The following TAFA4 variants were observed in gnomAD, a reference collection of about 807,000 sequenced individuals.
TAFA4 encodes the protein TAFA chemokine like family member 4.
Under a neutral mutation model 21.1 loss-of-function variants are expected in TAFA4, and 20 were observed. The observed-to-expected ratio is 0.95, with a 90% CI of 0.67 to 1.38. The LOEUF is 1.38. Ranked by LOEUF, TAFA4 falls within the 40% of genes most tolerant of loss-of-function variation. TAFA4 has a pLI of 0.00. For missense variants in TAFA4, 211 were observed against 180.9 expected, an observed-to-expected ratio of 1.17 and a Z score of -0.95; for synonymous variants, 71 against 67.4, an observed-to-expected ratio of 1.05 and a Z score of -0.26.
intron 3 of TAFA4, among the ~76,000 whole-genome samples, chr3:68,824,542 T>C (rs1004626002): frequency 2.6e-5 from 4 of 152,190 alleles, no homozygotes; most frequent in African/African-American, 9.7e-5. Flanking sequence ...TCTAGGATCA[T>C]TTCCCCATCT....
chr3:68,744,329 G>A (rs1049930697), intron 4 of TAFA4, among the ~76,000 whole-genome samples: 1 of 152,194 alleles, frequency 6.6e-6, no homozygotes, highest in African/African-American at 2.4e-5. Context: ...AGGGTGTCTG[G>A]GAAGGAACCA....
At chr3:68,799,812 C>G (rs914334007) in intron 3 of TAFA4, among the ~76,000 whole-genome samples, 5 of 152,128 alleles carry the variant, frequency 3.3e-5, no homozygotes, top group African/African-American at 1.2e-4. Flanking sequence ...AGGAACCAGG[C>G]TGCACAGCAG....
intron 3 of TAFA4, among the ~76,000 whole-genome samples, chr3:68,879,633 T>A (rs367862084): frequency 6.6e-6 from 1 of 152,216 alleles, no homozygotes; most frequent in Non-Finnish European, 1.5e-5. Context: ...GAAACTTCAA[T>A]CATTATTTTT....
intron 4 of TAFA4, among the ~76,000 whole-genome samples, chr3:68,741,364 T>A (rs557481327): frequency 1.3e-5 from 2 of 152,234 alleles, no homozygotes; most frequent in Non-Finnish European, 2.9e-5. Flanking sequence ...AAGTGTTTTA[T>A]ATTTTTTGAT....
chr3:68,802,897 A>C (rs1703606303), intron 3 of TAFA4, among the ~76,000 whole-genome samples: 1 of 152,196 alleles, frequency 6.6e-6, no homozygotes, highest in Non-Finnish European at 1.5e-5. Flanking sequence ...CACAATATAG[A>C]ACTTGAAGTG....
intron 1 of TAFA4, among the ~76,000 whole-genome samples, chr3:68,894,587 T>C (rs1221663887): frequency 6.6e-6 from 1 of 152,176 alleles, no homozygotes; most frequent in Non-Finnish European, 1.5e-5. Context: ...CTGGGGGAAA[T>C]TAACAAGACT....
chr3:68,842,759 T>C (rs1343740508), intron 3 of TAFA4, among the ~76,000 whole-genome samples: 1 of 152,218 alleles, frequency 6.6e-6, no homozygotes, highest in Non-Finnish European at 1.5e-5. Context: ...GTTTTCTCCA[T>C]ATGGCTAGCC....
chr3:68,897,362 C>T (rs1485758117), intron 1 of TAFA4, among the ~76,000 whole-genome samples: 1 of 151,566 alleles, frequency 6.6e-6, no homozygotes, highest in Non-Finnish European at 1.5e-5. Context: ...TACGGGGGCT[C>T]ATGCCTGTAA....
At chr3:68,845,590 G>T (rs956890410) in intron 3 of TAFA4, among the ~76,000 whole-genome samples, 1 of 152,200 alleles carries the variant, frequency 6.6e-6, no homozygotes, top group Admixed American at 6.5e-5. Flanking sequence ...TTGCCCATTA[G>T]TTGATGCAGT....
intron 3 of TAFA4, among the ~76,000 whole-genome samples, chr3:68,860,062 C>T (rs1364189797): frequency 2.0e-5 from 3 of 152,140 alleles, no homozygotes; most frequent in East Asian, 1.9e-4. Context: ...AGCTTTTTAA[C>T]CTAAGATATT....
intron 4 of TAFA4, among the ~76,000 whole-genome samples, chr3:68,749,898 G>T (rs1575594399): frequency 6.6e-6 from 1 of 152,134 alleles, no homozygotes; most frequent in South Asian, 2.1e-4. Flanking sequence ...ATGGCTACTA[G>T]CCACACTGGA....
In TAFA4 at chr3:68,912,964, G is replaced by A. The variant is rs1575670360; in HGVS notation, c.-123+19276C>T. ...GGCTGCTGGAAGAAGTGTTACTGAAGGTGATGTGGGGGTAGGAATTCTGCC... is the reference window on the plus strand; with the variant it reads ...GGCTGCTGGAAGAAGTGTTACTGAAAGTGATGTGGGGGTAGGAATTCTGCC... On this transcript the variant is annotated intron_variant, in intron 1 of 5. Transcript: ENST00000295569. Among the ~76,000 whole-genome samples the A allele has an allele frequency of 2.6e-5, 4 of 152,288 alleles. No individual in the cohort carries two copies. In the East Asian group the frequency reaches 7.7e-4, roughly 29 times the overall value.
intron 4 of TAFA4, among the ~76,000 whole-genome samples, chr3:68,742,337 G>GAGCAAGCAGGCAAGAAAAAAATAAA (rs1702373935): frequency 3.2e-5 from 3 of 92,814 alleles, no homozygotes; most frequent in Admixed American, 1.0e-4. Context: ...ACTTAAATTA[G>GAGCAAGCAGGCAAGAAAAAAATAAA]AAAGGAAGAA....
intron 3 of TAFA4, among the ~76,000 whole-genome samples, chr3:68,809,568 A>C (rs1249969822): frequency 4.0e-5 from 5 of 124,544 alleles, no homozygotes; most frequent in South Asian, 4.8e-4. Context: ...AGTTTGATGT[A>C]ATCTCCTTTT....
At chr3:68,929,646 G>A (rs2090141753) in intron 1 of TAFA4, among the ~76,000 whole-genome samples, 1 of 152,190 alleles carries the variant, frequency 6.6e-6, no homozygotes, top group South Asian at 2.1e-4. Context: ...AAGAAACAGA[G>A]CCAGAACACA....
At chr3:68,804,686 A>G (rs147195788) in intron 3 of TAFA4, among the ~76,000 whole-genome samples, 2,131 of 148,674 alleles carry the variant, frequency 0.014, 43 homozygotes, top group African/African-American at 0.053. Context: ...AAACCTGAGA[A>G]AAACAAGCAA....
At position 68,846,922 on chromosome 3, in the gene TAFA4, C is replaced by T. The variant is rs538380589; in HGVS notation, c.130+33808G>A. Among the ~76,000 whole-genome samples, 4 of 113,854 alleles carry T rather than the reference C, an allele frequency of 3.5e-5. No homozygotes were observed. The South Asian group carries it at 1.1e-3, about 30-fold the overall frequency. 74.7% of individuals were successfully genotyped at this position (113,854 alleles called of 152,430 possible). A position where few individuals can be genotyped will look rare whatever the true frequency, so the allele number is the denominator to read the frequency against. Reference sequence around the variant, plus strand: ...ATCCCAGAGGGGCACTCACCAGATGCCAGCCGCTCTCCTGCATGAGATGTC... The same window carrying T: ...ATCCCAGAGGGGCACTCACCAGATGTCAGCCGCTCTCCTGCATGAGATGTC... On this transcript the variant is annotated intron_variant, in intron 3 of 5. Coordinates refer to ENST00000295569, the MANE Select transcript of TAFA4 (RefSeq NM_182522.5).
chr3:68,803,797 CTTT>C (rs386396961), intron 3 of TAFA4, among the ~76,000 whole-genome samples: 2 of 81,592 alleles, frequency 2.5e-5, no homozygotes, highest in African/African-American at 1.0e-4. Flanking sequence ...ATCTCTGATT[CTTT>C]TTTTTTTTTT....
chr3:68,905,843 G>A (rs1377187100), intron 1 of TAFA4, among the ~76,000 whole-genome samples: 1 of 152,176 alleles, frequency 6.6e-6, no homozygotes, highest in African/African-American at 2.4e-5. Context: ...ATCTGTACAA[G>A]AAACAGGGTC....
Sources: allele counts gnomAD v4.1 joint callset (sites outside exome capture counted in the v4.1 genomes callset), GRCh38; gene constraint gnomAD v4.1.1; transcripts MANE v1.5; gene names NCBI Gene and HGNC (gene_info 2026-07-23, HGNC 2026-07-21).